Variants in PTPRN observed in about 807,000 individuals in gnomAD.
PTPRN encodes the protein receptor-type tyrosine-protein phosphatase-like N.
A neutral mutation model predicts 108.5 loss-of-function variants in PTPRN; 70 were observed. The observed-to-expected ratio is 0.65, with a 90% CI of 0.53 to 0.79. The LOEUF (loss-of-function observed/expected upper bound fraction) is 0.79, where lower values mean the gene tolerates loss of function less well. Among genes scored for constraint, PTPRN ranks in the 30% least tolerant of loss-of-function variants. PTPRN has a pLI of 0.00. For missense variants in PTPRN, 1,136 were observed against 1,295.5 expected (o/e 0.88, Z 1.89); for synonymous variants, 496 against 524.6 (o/e 0.95, Z 0.75).
At position 219,289,886 on chromosome 2, in the gene PTPRN, G is replaced by C. The variant is rs1295855558; in HGVS notation, c.*340C>G. The C allele has an allele frequency of 3.5e-5, 10 of 281,870 alleles. No homozygotes were observed. The highest frequency in any genetic ancestry group is 9.2e-5 in the Admixed American group (2 of 21,706). The allele number at this position is 281,870 out of a possible 1,614,324, so 17.5% of individuals were successfully genotyped here. ...ACTGGAGCATAGGGGGACACACACA[G>C]ATGTTCAGGGAACTCCCAGAACCCC... On this transcript the variant is annotated 3_prime_UTR_variant, in exon 23 of 23. Coordinates refer to ENST00000295718, the MANE Select transcript of PTPRN (RefSeq NM_002846.4).
chr2:219,298,628 T>C (rs1036406349), intron 12 of PTPRN, among the ~76,000 whole-genome samples: 1 of 152,212 alleles, frequency 6.6e-6, no homozygotes, highest in African/African-American at 2.4e-5. Context: ...GAGAATCGCT[T>C]GAACCTGGCA....
chr2:219,307,466 C>T lies in PTPRN; in HGVS notation c.258G>A (p.Val86=). The T allele has an allele frequency of 6.2e-7, 1 of 1,614,146 alleles. No individual in the cohort carries two copies. Among genetic ancestry groups the T allele is most frequent in the Non-Finnish European group, 8.5e-7 (1 of 1,180,006 alleles). ...TSPVLQRLQG[V]LRQLMSQGLS... is the part of the protein sequence containing the mutation. ...TACCTTGGGACATGAGTTGTCGGAG[C>T]ACACCTTGTAAGCGTTGGAGAACTG... Residue 86 remains valine, a synonymous_variant, in exon 3 of 23, where the codon GTG becomes GTA. Transcript: ENST00000295718.
Position 219,302,222 on chromosome 2 carries a change from G to T in PTPRN, c.909C>A (p.Ser303Arg). Residue 303 changes from serine to arginine, a missense_variant, in exon 6 of 23, where the codon AGC becomes AGA. By Grantham distance (110) the Ser-to-Arg change is moderately radical (BLOSUM62 -1). Transcript: ENST00000295718. ...VPRLPEQGSS[S>R]RAEDSPEGYE... ...AGCCCTCTGGGGAGTCCTCTGCCCGGCTGCTGCTCCCTTGCTCTGGCAGCC... is the reference window on the plus strand; with the variant it reads ...AGCCCTCTGGGGAGTCCTCTGCCCGTCTGCTGCTCCCTTGCTCTGGCAGCC... 1 of 1,614,026 alleles carries T rather than the reference G, an allele frequency of 6.2e-7. No homozygotes were observed. The highest frequency in any genetic ancestry group is 8.5e-7 in the Non-Finnish European group (1 of 1,179,974).
intron 19 of PTPRN, among the ~76,000 whole-genome samples, chr2:219,294,747 C>T (rs1436611672): frequency 1.3e-5 from 2 of 151,940 alleles, no homozygotes; most frequent in Non-Finnish European, 2.9e-5. Flanking sequence ...AGCAGAGCAG[C>T]AGCGGCCGGC....
chr2:219,300,982 G>A lies in PTPRN; in HGVS notation c.1127-5C>T, dbSNP rs781188476. ...CTCCAACATTTACAACCCCTCCTGC[G>A]AGACAGGAAAAACAAGAGTCTGGAA... On this transcript the variant is annotated splice_polypyrimidine_tract_variant and splice_region_variant and intron_variant, in intron 7 of 22. Transcript: ENST00000295718. 60 of 1,613,982 alleles carry A rather than the reference G, an allele frequency of 3.7e-5. No individual in the cohort carries two copies. In the Middle Eastern group the frequency reaches 4.9e-4, roughly 13 times the overall value.
chr2:219,298,936 C>T (rs759794094), intron 12 of PTPRN, 111 bp downstream of exon 12: 18 of 1,306,962 alleles, frequency 1.4e-5, no homozygotes, highest in Non-Finnish European at 1.8e-5. Flanking sequence ...TCCAGCCAGC[C>T]GTGCCTACGG....
At chr2:219,307,642 A>G (rs1321238144) in intron 2 of PTPRN, 85 bp from the exon 3 acceptor site, 12 of 1,460,040 alleles carry the variant, frequency 8.2e-6, no homozygotes, top group Non-Finnish European at 1.0e-5. Flanking sequence ...TACTCTCTTC[A>G]CTTTCTCCCC....
intron 4 of PTPRN, among the ~76,000 whole-genome samples, chr2:219,303,405 C>T (rs1004163975): frequency 2.6e-5 from 4 of 152,252 alleles, no homozygotes; most frequent in African/African-American, 9.6e-5. Flanking sequence ...TAGAAATTCA[C>T]ATAGTAATGA....
chr2:219,298,130 G>A (rs561848955), intron 12 of PTPRN, 27 bp from the exon 13 acceptor site: 2 of 1,602,886 alleles, frequency 1.2e-6, no homozygotes, highest in African/African-American at 2.7e-5. Flanking sequence ...AGAATCAAGG[G>A]AGGCAGTGGC....
rs1952041571 is a variant in PTPRN, at chr2:219,290,976, G to C, written c.2730-86C>G. 9 of 1,318,972 alleles carry C rather than the reference G, an allele frequency of 6.8e-6. No homozygotes were observed. The highest frequency in any genetic ancestry group is 9.8e-6 in the Non-Finnish European group (9 of 914,072). The allele number at this position is 1,318,972 out of a possible 1,614,324, so 81.7% of individuals were successfully genotyped here. On this transcript the variant is annotated intron_variant, in intron 20 of 22. Coordinates refer to ENST00000295718, the MANE Select transcript of PTPRN (RefSeq NM_002846.4). This position sits in a 1 kb window ranked among gnomAD's most constrained non-coding sequence, Gnocchi z 4.2. Reference sequence around the variant, plus strand: ...GGAGGCGAGGAGGCCTGGAGGCCTGGGGGAGGGGAGGACACTGGGTGACCC... The same window carrying C: ...GGAGGCGAGGAGGCCTGGAGGCCTGCGGGAGGGGAGGACACTGGGTGACCC...
At chr2:219,307,191 G>C (rs1952504503) in intron 3 of PTPRN, 2 of 402,642 alleles carry the variant, frequency 5.0e-6, no homozygotes, top group African/African-American at 4.0e-5. Flanking sequence ...ATGCCAGTGA[G>C]AGGAACTGGT....
intron 19 of PTPRN, among the ~76,000 whole-genome samples, chr2:219,294,528 G>T (rs1294318907): frequency 6.6e-6 from 1 of 151,714 alleles, no homozygotes; most frequent in Non-Finnish European, 1.5e-5. Flanking sequence ...GGAGAGGGAT[G>T]AAGGAGGGGA....
chr2:219,290,320 T>C lies in PTPRN; in HGVS notation c.2869-23A>G, dbSNP rs746352610. The C allele has an allele frequency of 4.1e-5, 65 of 1,603,708 alleles. No individual in the cohort carries two copies. The highest frequency in any genetic ancestry group is 2.6e-5 in the Non-Finnish European group (30 of 1,173,990). On this transcript the variant is annotated intron_variant, in intron 22 of 22. Transcript: ENST00000295718. The surrounding 1 kb of genome is among the most constrained non-coding windows in gnomAD (Gnocchi z 4.2). ...GTCCTGAGGAAGGGCAGTGGTAGGA[T>C]GGTCATGGAGAGGGCTGACCTGTGC...
rs1476499100 is a variant in PTPRN, at chr2:219,302,828, C to T, written c.387G>A (p.Leu129=). 72 of 1,611,380 alleles carry T rather than the reference C, an allele frequency of 4.5e-5. No individual in the cohort carries two copies. The highest frequency in any genetic ancestry group is 1.7e-4 in the Middle Eastern group (1 of 5,904). Residue 129 remains leucine (L), a synonymous_variant, in exon 5 of 23, where the codon TTG becomes TTA. Transcript: ENST00000295718. ...PEPRPRDRSG[L]APKRPGPAGE... ...CAGCAGGACCAGGTCTCTTGGGTGC[C>T]AAGCCAGACCTGTAGAGGAAAGCAA...
In PTPRN at chr2:219,298,013, C is replaced by T. The variant is rs1952244609; in HGVS notation, c.1759G>A (p.Val587Met). ...GCCAGAGCCACCAGCAGCCCAGCCA[C>T]ACCTGCCAGGGCCACCAGAGTGAGC... ...VLLTLVALAG[V>M]AGLLVALAVA... Residue 587 changes from valine to methionine, a missense_variant, in exon 13 of 23, where the codon GTG (valine) becomes ATG (methionine). Val to Met is a conservative substitution (Grantham distance 21). Transcript: ENST00000295718. 7 of 1,613,932 alleles carry T rather than the reference C, an allele frequency of 4.3e-6. No homozygotes were observed. The highest frequency in any genetic ancestry group is 3.3e-5 in the Admixed American group (2 of 60,012).
chr2:219,296,654 G>C lies in PTPRN; in HGVS notation c.2310+95C>G, dbSNP rs1209059027. On this transcript the variant is annotated intron_variant, in intron 16 of 22. Coordinates refer to ENST00000295718, the MANE Select transcript of PTPRN (RefSeq NM_002846.4). This position sits in a 1 kb window ranked among gnomAD's most constrained non-coding sequence, Gnocchi z 6.0. ...GATATCAGGCCCCACCACTCCAGGG[G>C]GTTGGTGGGGTGGCAGGTGACCACG... 1.3e-6 allele frequency: 2 copies of C among 1,562,274 alleles called. No individual in the cohort carries two copies. Among genetic ancestry groups the C allele is most frequent in the Non-Finnish European group, 1.8e-6 (2 of 1,140,478 alleles).
intron 3 of PTPRN, chr2:219,307,058 A>G (rs954356494): frequency 2.4e-5 from 4 of 164,704 alleles, no homozygotes; most frequent in Non-Finnish European, 1.3e-5. Context: ...CATTCCAAAT[A>G]CCTAAAACTA....
intron 1 of PTPRN, chr2:219,308,951 C>T: frequency 6.8e-7 from 1 of 1,464,216 alleles, no homozygotes; most frequent in Non-Finnish European, 9.2e-7. Flanking sequence ...CCTCTGCCCA[C>T]ATGCACCCCG....
chr2:219,298,487 C>G (rs1952258610), intron 12 of PTPRN, among the ~76,000 whole-genome samples: 1 of 152,110 alleles, frequency 6.6e-6, no homozygotes, highest in African/African-American at 2.4e-5. Flanking sequence ...GGCGGATCAC[C>G]TGAGATCGGG....
Sources: gnomAD v4.1 joint callset for allele counts (sites outside exome capture counted in the v4.1 genomes callset) on GRCh38, gnomAD v4.1.1 for gene constraint, Gnocchi (gnomAD v3.1) non-coding constraint, MANE v1.5 for transcripts, NCBI Gene and HGNC (gene_info 2026-07-23, HGNC 2026-07-21) for gene names.